AUTS2: variants seen among roughly 807,000 people sequenced by gnomAD.
AUTS2 encodes autism susceptibility gene 2 protein.
A neutral mutation model predicts 112.4 loss-of-function variants in AUTS2; 17 were observed. The observed-to-expected ratio is 0.15, with a 90% CI of 0.10 to 0.23. The LOEUF (loss-of-function observed/expected upper bound fraction) is 0.23. Ranked by LOEUF, AUTS2 falls within the 10% of genes least tolerant of loss-of-function variation. The pLI is 1.00. For missense variants in AUTS2, 1,510 were observed against 1,701.6 expected (o/e 0.89, Z 1.98); for synonymous variants, 751 against 702.7 (o/e 1.07, Z -1.09).
intron 2 of AUTS2, among the ~76,000 whole-genome samples, chr7:69,954,700 C>G (rs1431042703): frequency 2.0e-5 from 3 of 152,146 alleles, no homozygotes; most frequent in Non-Finnish European, 4.4e-5. Context: ...AAGAGAAGTT[C>G]GAAGTTTTGC....
intron 5 of AUTS2, among the ~76,000 whole-genome samples, chr7:70,630,756 G>A (rs1305478819): frequency 1.3e-5 from 2 of 152,196 alleles, no homozygotes; most frequent in Non-Finnish European, 2.9e-5. Flanking sequence ...CTCTAACAGC[G>A]CCCTTTAGAG....
chr7:70,485,885 C>A (rs1329741410), intron 5 of AUTS2, among the ~76,000 whole-genome samples: 2 of 151,844 alleles, frequency 1.3e-5, no homozygotes, highest in Admixed American at 1.3e-4. Context: ...AGGAAGGAGA[C>A]CTGAAGAGAC....
chr7:70,719,978 G>A (rs967597081), intron 6 of AUTS2, among the ~76,000 whole-genome samples: 14 of 152,180 alleles, frequency 9.2e-5, no homozygotes, highest in Non-Finnish European at 1.6e-4. Context: ...CTAGGAATGG[G>A]AATTTTACAC....
At chr7:70,248,306 A>C (rs1413167153) in intron 4 of AUTS2, among the ~76,000 whole-genome samples, 1 of 152,076 alleles carries the variant, frequency 6.6e-6, no homozygotes, top group Non-Finnish European at 1.5e-5. Flanking sequence ...ATGTTCAGTA[A>C]AAAAACATCA....
chr7:70,731,702 T>C (rs1787409726), intron 6 of AUTS2, among the ~76,000 whole-genome samples: 2 of 151,862 alleles, frequency 1.3e-5, no homozygotes, highest in Admixed American at 1.3e-4. Context: ...GTGCTGGGAT[T>C]ACAGGCATGA....
intron 1 of AUTS2, among the ~76,000 whole-genome samples, chr7:69,891,945 A>G (rs529111000): frequency 6.7e-6 from 1 of 150,206 alleles, no homozygotes; most frequent in African/African-American, 2.4e-5. Flanking sequence ...GGTGCATGCC[A>G]CCATGCCCAG....
At chr7:69,614,612 G>A (rs1793264722) in intron 1 of AUTS2, among the ~76,000 whole-genome samples, 1 of 151,780 alleles carries the variant, frequency 6.6e-6, no homozygotes, top group African/African-American at 2.4e-5. Context: ...AGCCTCCCAG[G>A]TAGCTGGGAC....
At chr7:70,561,767 C>A (rs1251051659) in intron 5 of AUTS2, among the ~76,000 whole-genome samples, 1 of 152,156 alleles carries the variant, frequency 6.6e-6, no homozygotes, top group Non-Finnish European at 1.5e-5. Flanking sequence ...TTCTTTTTAG[C>A]AGGAAGGAAA....
intron 1 of AUTS2, among the ~76,000 whole-genome samples, chr7:69,861,426 TG>T (rs1792978589): frequency 6.6e-6 from 1 of 152,120 alleles, no homozygotes; most frequent in Admixed American, 6.6e-5. Flanking sequence ...CTGTGAAAAA[TG>T]CACACACTGT....
chr7:70,681,941 A>AC (rs1808232130), intron 5 of AUTS2, among the ~76,000 whole-genome samples: 1 of 152,006 alleles, frequency 6.6e-6, no homozygotes. Flanking sequence ...CTTATGGGCA[A>AC]CCCCCAGCCC....
intron 2 of AUTS2, among the ~76,000 whole-genome samples, chr7:70,010,755 A>T (rs1012527628): frequency 5.3e-5 from 8 of 152,222 alleles, no homozygotes; most frequent in Non-Finnish European, 1.0e-4. Context: ...CAATCTAAAG[A>T]TCTGAAATTA....
intron 4 of AUTS2, among the ~76,000 whole-genome samples, chr7:70,230,217 A>G (rs1295852015): frequency 1.3e-5 from 2 of 152,052 alleles, no homozygotes; most frequent in African/African-American, 4.8e-5. Flanking sequence ...CTCTTCCCTC[A>G]CACATACCTA....
chr7:69,937,001 A>G (rs1328733737), intron 2 of AUTS2, among the ~76,000 whole-genome samples: 2 of 146,624 alleles, frequency 1.4e-5, no homozygotes, highest in Non-Finnish European at 3.0e-5. Context: ...CCTCCATCTT[A>G]CTTTCCCTTC....
intron 2 of AUTS2, among the ~76,000 whole-genome samples, chr7:70,086,371 A>G (rs914512620): frequency 1.3e-5 from 2 of 152,062 alleles, no homozygotes; most frequent in East Asian, 1.9e-4. Context: ...GCCGGGCACA[A>G]TGGCTCACGC....
At chr7:70,331,148 G>A (rs955439940) in intron 4 of AUTS2, among the ~76,000 whole-genome samples, 4 of 152,080 alleles carry the variant, frequency 2.6e-5, no homozygotes, top group African/African-American at 7.2e-5. Context: ...TGTACCTCTG[G>A]TAGAATTCAG....
intron 5 of AUTS2, among the ~76,000 whole-genome samples, chr7:70,511,678 C>T (rs2116789030): frequency 6.9e-6 from 1 of 144,746 alleles, no homozygotes; most frequent in East Asian, 2.1e-4. Context: ...CAGGTTCAAG[C>T]GATTCTCCTG....
chr7:70,678,415 T>C (rs564207238), intron 5 of AUTS2, among the ~76,000 whole-genome samples: 6 of 152,206 alleles, frequency 3.9e-5, no homozygotes, highest in African/African-American at 1.4e-4. Flanking sequence ...GCCCCTCAAC[T>C]CTCCTTGGAG....
intron 1 of AUTS2, among the ~76,000 whole-genome samples, chr7:69,739,256 C>T (rs1787164618): frequency 6.6e-6 from 1 of 152,130 alleles, no homozygotes; most frequent in Non-Finnish European, 1.5e-5. Context: ...TGCAAATTCT[C>T]TCCCCCATTA....
chr7:70,451,871 A>G (rs1391476361), intron 5 of AUTS2, among the ~76,000 whole-genome samples: 1 of 152,204 alleles, frequency 6.6e-6, no homozygotes, highest in East Asian at 1.9e-4. Flanking sequence ...GGAAACTGGA[A>G]TGGAATCAGC....
Sources: allele counts gnomAD v4.1 joint callset (sites outside exome capture counted in the v4.1 genomes callset), GRCh38; gene constraint gnomAD v4.1.1; transcripts MANE v1.5; gene names NCBI Gene and HGNC (gene_info 2026-07-23, HGNC 2026-07-21).